The following RBFOX3 variants were observed in gnomAD, a reference collection of about 807,000 sequenced individuals.
The protein encoded by RBFOX3 is RNA binding protein fox-1 homolog 3.
In RBFOX3, 17 loss-of-function variants were observed where a neutral mutation model predicts 48.7. That is an observed-to-expected ratio of 0.35 (90% CI 0.24 to 0.52). RBFOX3 has a LOEUF of 0.52. Ranked by LOEUF, RBFOX3 falls within the 20% of genes least tolerant of loss-of-function variation. RBFOX3 has a pLI of 0.94. For missense variants in RBFOX3, 382 were observed against 497.5 expected, an observed-to-expected ratio of 0.77 and a Z score of 2.21; for synonymous variants, 212 against 209.5, an observed-to-expected ratio of 1.01 and a Z score of -0.10.
intron 1 of RBFOX3, among the ~76,000 whole-genome samples, chr17:79,486,594 C>T (rs920797598): frequency 5.3e-4 from 80 of 152,300 alleles, no homozygotes; most frequent in African/African-American, 1.5e-3. Context: ...CTACCCTCCA[C>T]CTGCTTCCTC....
chr17:79,424,610 C>T (rs1431728358), intron 2 of RBFOX3, among the ~76,000 whole-genome samples: 1 of 152,196 alleles, frequency 6.6e-6, no homozygotes, highest in East Asian at 1.9e-4. Context: ...CCACCCCCTC[C>T]CCCACCAGGC....
At chr17:79,432,837 G>T (rs2068706314) in intron 2 of RBFOX3, among the ~76,000 whole-genome samples, 1 of 152,198 alleles carries the variant, frequency 6.6e-6, no homozygotes, top group East Asian at 1.9e-4. Context: ...AAACAAGTGG[G>T]TCTGTAGGAC....
chr17:79,097,229 C>T, intron 11 of RBFOX3, 63 bp downstream of exon 11: 5 of 1,406,702 alleles, frequency 3.6e-6, no homozygotes. Flanking sequence ...CAGGGCCTCC[C>T]CATTTCCCTC....
intron 3 of RBFOX3, among the ~76,000 whole-genome samples, chr17:79,264,689 C>A (rs2143072073): frequency 6.6e-6 from 1 of 152,304 alleles, no homozygotes; most frequent in East Asian, 1.9e-4. Flanking sequence ...AGTTCACCCA[C>A]CTGATGCTGT....
At chr17:79,401,720 C>T (rs751579955) in intron 2 of RBFOX3, among the ~76,000 whole-genome samples, 1 of 152,176 alleles carries the variant, frequency 6.6e-6, no homozygotes. Flanking sequence ...CTACATGGGG[C>T]GTCCTCTCTA....
At chr17:79,330,087 C>T (rs940339407) in intron 2 of RBFOX3, among the ~76,000 whole-genome samples, 3 of 152,210 alleles carry the variant, frequency 2.0e-5, no homozygotes, top group African/African-American at 7.2e-5. Flanking sequence ...CACATGAACT[C>T]CAGAGACTCT....
At chr17:79,445,783 C>G (rs927648455) in intron 2 of RBFOX3, among the ~76,000 whole-genome samples, 1 of 152,232 alleles carries the variant, frequency 6.6e-6, no homozygotes, top group African/African-American at 2.4e-5. Flanking sequence ...CTAGAACCTT[C>G]TGATTCAGCC....
At chr17:79,388,214 T>C (rs974403778) in intron 2 of RBFOX3, among the ~76,000 whole-genome samples, 6 of 152,180 alleles carry the variant, frequency 3.9e-5, no homozygotes, top group African/African-American at 1.4e-4. Context: ...GCAGCCCCCA[T>C]GTGCTCCATG....
chr17:79,414,720 G>T (rs941577096), intron 2 of RBFOX3, among the ~76,000 whole-genome samples: 2 of 152,238 alleles, frequency 1.3e-5, no homozygotes, highest in African/African-American at 2.4e-5. Flanking sequence ...CCAAGAGGAT[G>T]GGCACCTGGG....
chr17:79,619,909 G>A, the RBFOX3 span, among the ~76,000 whole-genome samples: 4 of 152,144 alleles, frequency 2.6e-5, no homozygotes, highest in African/African-American at 9.7e-5. Context: ...CTACCTTCTG[G>A]AGTAACGAAA....
At chr17:79,461,266 G>A (rs1244160358) in intron 2 of RBFOX3, among the ~76,000 whole-genome samples, 1 of 152,174 alleles carries the variant, frequency 6.6e-6, no homozygotes, top group Non-Finnish European at 1.5e-5. Context: ...AATAAAAGAT[G>A]GTGAGTCATG....
chr17:79,620,570 C>T, the RBFOX3 span, among the ~76,000 whole-genome samples: 2 of 109,950 alleles, frequency 1.8e-5, no homozygotes, highest in Non-Finnish European at 2.1e-5. Flanking sequence ...CACACCCGCG[C>T]GTGCACACAC....
At chr17:79,306,774 G>T (rs1416798862) in intron 3 of RBFOX3, among the ~76,000 whole-genome samples, 2 of 152,214 alleles carry the variant, frequency 1.3e-5, no homozygotes, top group Non-Finnish European at 2.9e-5. Flanking sequence ...CCCGTGCCGG[G>T]TGTCCTCCTC....
At chr17:79,640,476 G>C in the RBFOX3 span, among the ~76,000 whole-genome samples, 2 of 152,062 alleles carry the variant, frequency 1.3e-5, no homozygotes, top group Admixed American at 6.6e-5. Flanking sequence ...AATTTGTATG[G>C]AATCACAAAA....
At chr17:79,564,995 A>C (rs2092400281) in intron 1 of RBFOX3, among the ~76,000 whole-genome samples, 1 of 149,332 alleles carries the variant, frequency 6.7e-6, no homozygotes, top group South Asian at 2.1e-4. Context: ...AGCAGAGATC[A>C]CACCACTGCT....
At chr17:79,606,532 A>G (rs2093834683) in intron 1 of RBFOX3, among the ~76,000 whole-genome samples, 1 of 152,196 alleles carries the variant, frequency 6.6e-6, no homozygotes, top group African/African-American at 2.4e-5. Flanking sequence ...AACAGACTTT[A>G]TACTCTTTAT....
chr17:79,611,339 G>T (rs1338965357), upstream of RBFOX3, among the ~76,000 whole-genome samples: 1 of 151,700 alleles, frequency 6.6e-6, no homozygotes, highest in Non-Finnish European at 1.5e-5. Flanking sequence ...GCTGTCGCGC[G>T]GCCGGGGAGG....
intron 2 of RBFOX3, among the ~76,000 whole-genome samples, chr17:79,400,697 G>T (rs186505080): frequency 6.6e-6 from 1 of 152,232 alleles, no homozygotes; most frequent in Non-Finnish European, 1.5e-5. Context: ...TAAGCGGGGT[G>T]TCCCAAATGC....
At chr17:79,571,329 T>G (rs2092670123) in intron 1 of RBFOX3, among the ~76,000 whole-genome samples, 1 of 152,168 alleles carries the variant, frequency 6.6e-6, no homozygotes, top group African/African-American at 2.4e-5. Context: ...AGCTGACCCC[T>G]GAGCAGAGCC....
Sources: gnomAD v4.1 joint callset for allele counts (sites outside exome capture counted in the v4.1 genomes callset) on GRCh38, gnomAD v4.1.1 for gene constraint, MANE v1.5 for transcripts, NCBI Gene and HGNC (gene_info 2026-07-23, HGNC 2026-07-21) for gene names.